PC: variants seen among roughly 807,000 people sequenced by gnomAD.
PC encodes pyruvate carboxylase.
Under a neutral mutation model 107.8 loss-of-function variants are expected in PC, and 46 were observed. The ratio of observed to expected loss-of-function variants is 0.43; its 90% CI spans 0.34 to 0.55. The LOEUF is 0.55. PC is among the 20% of genes least tolerant of loss of function. PC has a pLI of 0.04. For missense variants in PC, 1,241 were observed against 1,643.1 expected (o/e 0.76, Z 4.23); for synonymous variants, 662 against 684.7 (o/e 0.97, Z 0.52).
chr11:66,938,906 C>T (rs758185319), intron 3 of PC, among the ~76,000 whole-genome samples: 3 of 152,172 alleles, frequency 2.0e-5, no homozygotes, highest in Admixed American at 6.5e-5. Context: ...TATGTTTGCA[C>T]GCCTGTCCCA....
At chr11:66,900,536 T>C (rs1217435919) in intron 3 of PC, among the ~76,000 whole-genome samples, 1 of 152,162 alleles carries the variant, frequency 6.6e-6, no homozygotes, top group Non-Finnish European at 1.5e-5. Context: ...GATCATCTTG[T>C]CAATTTCCGC....
chr11:66,926,168 C>T (rs1436936157), intron 3 of PC, among the ~76,000 whole-genome samples: 1 of 152,164 alleles, frequency 6.6e-6, no homozygotes, highest in Non-Finnish European at 1.5e-5. Context: ...GCAGATATTA[C>T]CCTTGTGATC....
At position 66,886,362 on chromosome 11, in the gene PC, C is replaced by T. The variant is rs544140343; in HGVS notation, c.1-14203G>A. On this transcript the variant is annotated intron_variant, in intron 3 of 22. Transcript: ENST00000393960. ...GCTGAGCCTGAGACTCAGTCCAGAGCTAGTGGGCCCCACCAGCAGCTTGGG... is the reference window on the plus strand; with the variant it reads ...GCTGAGCCTGAGACTCAGTCCAGAGTTAGTGGGCCCCACCAGCAGCTTGGG... Among the ~76,000 whole-genome samples the T allele has an allele frequency of 2.0e-5, 3 of 152,222 alleles. No individual in the cohort carries two copies. In the South Asian group the frequency reaches 6.2e-4, roughly 32 times the overall value.
At chr11:66,955,961 A>T (rs1156546153) in intron 1 of PC, among the ~76,000 whole-genome samples, 1 of 151,856 alleles carries the variant, frequency 6.6e-6, no homozygotes. Context: ...TTAGCAGAGA[A>T]GGGGTTTCAC....
chr11:66,911,989 C>T (rs1291353572), intron 3 of PC, among the ~76,000 whole-genome samples: 2 of 148,004 alleles, frequency 1.4e-5, no homozygotes, highest in East Asian at 2.1e-4. Context: ...GCCAAAATCG[C>T]GCCATTGCAC....
rs944736105 is a variant in PC, at chr11:66,872,016, G to C, written c.136+8C>G. 1.3e-5 allele frequency: 21 copies of C among 1,558,684 alleles called. No individual in the cohort carries two copies. Among genetic ancestry groups the C allele is most frequent in the Non-Finnish European group, 1.8e-5 (21 of 1,151,136 alleles). ...GAGGCTCCTCTCACCGGCCCCACTG[G>C]TGCTCACCTCTGTTGGCCACCATGA... is the stretch of plus-strand genomic sequence containing the variant. On this transcript the variant is annotated splice_region_variant and intron_variant, in intron 4 of 22. Transcript: ENST00000393960.
At chr11:66,890,810 G>C (rs1947549101) in intron 3 of PC, among the ~76,000 whole-genome samples, 1 of 151,908 alleles carries the variant, frequency 6.6e-6, no homozygotes, top group South Asian at 2.1e-4. Flanking sequence ...CGCCGCGGTT[G>C]TTTCCAATTT....
intron 3 of PC, among the ~76,000 whole-genome samples, chr11:66,890,436 C>G (rs1446294063): frequency 6.8e-6 from 1 of 147,820 alleles, no homozygotes; most frequent in Non-Finnish European, 1.5e-5. Flanking sequence ...CTCTTGTTGC[C>G]TGGGCTGGAG....
At chr11:66,953,941 T>C (rs767538993) in intron 2 of PC, among the ~76,000 whole-genome samples, 5 of 152,328 alleles carry the variant, frequency 3.3e-5, no homozygotes, top group Non-Finnish European at 7.4e-5. Context: ...AATCACATTA[T>C]GTGTATGTAA....
chr11:66,873,343 A>T (rs997518743), intron 3 of PC, among the ~76,000 whole-genome samples: 5 of 120,882 alleles, frequency 4.1e-5, no homozygotes, highest in Admixed American at 1.2e-4. Context: ...ATCTTTAAAA[A>T]ATATATATAT....
At position 66,850,058 on chromosome 11, in the gene PC, A is replaced by G; in HGVS notation, c.2777T>C (p.Leu926Ser). Residue 926 changes from leucine to serine, a missense_variant, in exon 20 of 23, where the codon TTG (leucine) becomes TCG (serine). Transcript: ENST00000393960. ...DLAQFMVQNG[L>S]SRAEAEAQAE... ...CTGAGCTTCGGCCTCTGCCCGGCTC[A>G]ATCCATTCTGCACCATAAACTGGGC... 6.2e-7 allele frequency: 1 copy of G among 1,613,702 alleles called. No individual in the cohort carries two copies. The highest frequency in any genetic ancestry group is 8.5e-7 in the Non-Finnish European group (1 of 1,180,042).
chr11:66,921,268 T>C (rs904916713), intron 3 of PC, among the ~76,000 whole-genome samples: 1 of 152,190 alleles, frequency 6.6e-6, no homozygotes, highest in African/African-American at 2.4e-5. Context: ...TTCAAACTCT[T>C]GGGTAGGATT....
Position 66,848,989 on chromosome 11 carries a change from C to T in PC, c.3447G>A (p.Val1149=), listed in dbSNP as rs1363254876. ...VLSAMKMETV[V]TSPMEGTVRK... ...GGACAGTACCCTCCATGGGTGAGGT[C>T]ACCACAGTCTCCATCTTCATGGCAC... The change falls in exon 23 of 23, where the codon GTG becomes GTA. Residue 1149 remains valine (V), a synonymous_variant. Coordinates refer to ENST00000393960, the MANE Select transcript of PC (RefSeq NM_001040716.2). 1 of 1,614,112 alleles carries T rather than the reference C, an allele frequency of 6.2e-7. No homozygotes were observed. Among genetic ancestry groups the T allele is most frequent in the South Asian group, 1.1e-5 (1 of 91,088 alleles).
chr11:66,858,240 G>C lies in PC; in HGVS notation c.1369-4857C>G. 1 of 1,612,408 alleles carries C rather than the reference G, an allele frequency of 6.2e-7. No individual in the cohort carries two copies. The highest frequency in any genetic ancestry group is 8.5e-7 in the Non-Finnish European group (1 of 1,179,910). ...CCGGCAGGTGCCCTGGGCCGGCATC[G>C]GCGCCATGCCTGCCCTGCACACCCT... On this transcript the variant is annotated intron_variant, in intron 12 of 22. Coordinates refer to ENST00000393960, the MANE Select transcript of PC (RefSeq NM_001040716.2). This position sits in a 1 kb window ranked among gnomAD's most constrained non-coding sequence, Gnocchi z 5.9.
intron 3 of PC, among the ~76,000 whole-genome samples, chr11:66,891,518 C>T (rs1474396933): frequency 6.6e-6 from 1 of 151,722 alleles, no homozygotes; most frequent in Non-Finnish European, 1.5e-5. Context: ...CTCAGCCTCC[C>T]GAGTAGCTGG....
At chr11:66,874,078 G>A (rs1946884312) in intron 3 of PC, among the ~76,000 whole-genome samples, 1 of 151,942 alleles carries the variant, frequency 6.6e-6, no homozygotes, top group South Asian at 2.1e-4. Context: ...TCCTGCCTCA[G>A]CCTCCCGAGT....
chr11:66,920,365 T>C (rs372816018), intron 3 of PC, among the ~76,000 whole-genome samples: 40 of 152,230 alleles, frequency 2.6e-4, no homozygotes, highest in African/African-American at 8.7e-4. Context: ...CACAAGCCCC[T>C]GCCTAACAGC....
chr11:66,913,505 A>G (rs995274033), intron 3 of PC, among the ~76,000 whole-genome samples: 6 of 151,626 alleles, frequency 4.0e-5, no homozygotes, highest in South Asian at 2.1e-4. Context: ...CAACATCTCT[A>G]CTAAAAAAAT....
chr11:66,910,111 G>C lies in PC; in HGVS notation c.1-37952C>G, dbSNP rs1034630325. Among the ~76,000 whole-genome samples the C allele has an allele frequency of 1.4e-4, 22 of 152,234 alleles. No individual in the cohort carries two copies. In the South Asian group the frequency reaches 3.5e-3, roughly 24 times the overall value. On this transcript the variant is annotated intron_variant, in intron 3 of 22. Transcript: ENST00000393960. ...TTCTTCATCTGAGAAAAACACAAGC[G>C]GGGGGAGTAAGTGTCTGGCTTAAAC... is the stretch of plus-strand genomic sequence containing the variant.
Sources: allele counts gnomAD v4.1 joint callset (sites outside exome capture counted in the v4.1 genomes callset), GRCh38; gene constraint gnomAD v4.1.1; non-coding constraint Gnocchi (gnomAD v3.1); transcripts MANE v1.5; gene names NCBI Gene and HGNC (gene_info 2026-07-23, HGNC 2026-07-21).